The following SULF2 variants were observed in gnomAD, a reference collection of about 807,000 sequenced individuals.
The protein encoded by SULF2 is extracellular sulfatase Sulf-2.
Under a neutral mutation model 107.7 loss-of-function variants are expected in SULF2, and 52 were observed. That is an observed-to-expected ratio of 0.48 (90% confidence interval 0.39 to 0.61). SULF2 has a LOEUF of 0.61. SULF2 is among the 20% of genes least tolerant of loss of function. SULF2 has a pLI of 0.00. For synonymous variants in SULF2, 460 were observed against 464.3 expected, an observed-to-expected ratio of 0.99 and a Z score of 0.12; for missense variants, 993 against 1,177.3, an observed-to-expected ratio of 0.84 and a Z score of 2.29.
chr20:47,722,669 C>T lies in SULF2; in HGVS notation c.415+14034G>A, dbSNP rs77966824. ...TTCACTCGCCAGGTGCAGTGGCTCA[C>T]GCCTGTAATCCCAGCACTTTGGGAG... On this transcript the variant is annotated intron_variant, in intron 3 of 20. Transcript: ENST00000688720. Among the ~76,000 whole-genome samples, 44 of 152,154 alleles carry T rather than the reference C, an allele frequency of 2.9e-4. No individual in the cohort carries two copies. In the South Asian group the frequency reaches 7.7e-3, roughly 27 times the overall value.
At chr20:47,693,938 G>A (rs1209426289) in intron 4 of SULF2, among the ~76,000 whole-genome samples, 1 of 152,186 alleles carries the variant, frequency 6.6e-6, no homozygotes. Context: ...CCAGCTCTCT[G>A]CCACCATTCA....
chr20:47,727,861 G>T (rs938387794), intron 3 of SULF2, among the ~76,000 whole-genome samples: 11 of 152,238 alleles, frequency 7.2e-5, no homozygotes, highest in Non-Finnish European at 1.3e-4. Context: ...CTCAAAACAA[G>T]TGCTTCACTT....
chr20:47,670,249 G>C (rs1422567521), intron 11 of SULF2, among the ~76,000 whole-genome samples: 4 of 152,140 alleles, frequency 2.6e-5, no homozygotes, highest in African/African-American at 7.2e-5. Context: ...CTGGAGTGAA[G>C]TGGCATGATC....
intron 1 of SULF2, among the ~76,000 whole-genome samples, chr20:47,764,962 G>T (rs759327635): frequency 6.6e-6 from 1 of 152,148 alleles, no homozygotes; most frequent in African/African-American, 2.4e-5. Context: ...GCACGGACAG[G>T]TTCCAGAACC....
chr20:47,752,898 C>T (rs991202929), intron 2 of SULF2, among the ~76,000 whole-genome samples: 5 of 152,008 alleles, frequency 3.3e-5, no homozygotes, highest in Non-Finnish European at 5.9e-5. Context: ...GTCAGGAGTT[C>T]GAGGCCAACC....
intron 3 of SULF2, among the ~76,000 whole-genome samples, chr20:47,730,236 T>TG (rs1392121643): frequency 1.3e-5 from 2 of 152,156 alleles, no homozygotes; most frequent in African/African-American, 4.8e-5. Flanking sequence ...ATGTACCCCC[T>TG]GCTCCCCTGA....
intron 4 of SULF2, among the ~76,000 whole-genome samples, chr20:47,697,989 C>G (rs2088441287): frequency 6.6e-6 from 1 of 152,244 alleles, no homozygotes; most frequent in African/African-American, 2.4e-5. Flanking sequence ...CCATGCCGGA[C>G]TGCCTCATCA....
chr20:47,683,217 G>A (rs770511234), intron 6 of SULF2, 48 bp from the exon 7 acceptor site: 1 of 1,518,176 alleles, frequency 6.6e-7, no homozygotes, highest in Non-Finnish European at 8.9e-7. Flanking sequence ...TGGGTGCCTG[G>A]CCCGTCTCCG....
rs780068288 is a variant in SULF2 at position 47,690,146 on chromosome 20, G to C, written c.717C>G (p.Phe239Leu). Residue 239 changes from phenylalanine to leucine, a missense_variant, in exon 5 of 21, where the codon TTC becomes TTG. Around this residue, in one of 3 missense-constraint regions of SULF2, gnomAD observed 388 missense variants for 449.2 expected, o/e 0.86. Transcript: ENST00000688720. ...CTTACATGTGCTGAGATGCGTTTGGGAAGAGGCGTGAATATTGTGGGGCTG... is the reference window on the plus strand; with the variant it reads ...CTTACATGTGCTGAGATGCGTTTGGCAAGAGGCGTGAATATTGTGGGGCTG... ...EDSAPQYSRL[F>L]PNASQHITPS... 4.0e-5 allele frequency: 61 copies of C among 1,512,270 alleles called. No individual in the cohort carries two copies. The highest frequency in any genetic ancestry group is 4.9e-5 in the Non-Finnish European group (55 of 1,124,098). 93.7% of individuals were successfully genotyped at this position (1,512,270 alleles called of 1,614,324 possible).
chr20:47,679,052 C>T (rs1342444414), intron 7 of SULF2, among the ~76,000 whole-genome samples: 1 of 148,692 alleles, frequency 6.7e-6, no homozygotes, highest in Non-Finnish European at 1.5e-5. Flanking sequence ...GACAGCCTCA[C>T]CCTGTCCCCC....
intron 1 of SULF2, among the ~76,000 whole-genome samples, chr20:47,771,811 T>C (rs2090635966): frequency 6.6e-6 from 1 of 152,190 alleles, no homozygotes; most frequent in East Asian, 1.9e-4. Flanking sequence ...CATGCCTGGC[T>C]GGGCAGGAGA....
intron 3 of SULF2, among the ~76,000 whole-genome samples, chr20:47,711,091 G>A (rs2088911808): frequency 6.6e-6 from 1 of 152,220 alleles, no homozygotes; most frequent in South Asian, 2.1e-4. Flanking sequence ...CGGACAATGG[G>A]GGAGACAGAG....
intron 3 of SULF2, among the ~76,000 whole-genome samples, chr20:47,715,247 T>C (rs1179670134): frequency 6.6e-6 from 1 of 152,044 alleles, no homozygotes; most frequent in Non-Finnish European, 1.5e-5. Flanking sequence ...GTTAACTTAC[T>C]GGGGCTCAAT....
chr20:47,757,522 T>C, intron 1 of SULF2, 59 bp from the exon 2 acceptor site: 1 of 819,258 alleles, frequency 1.2e-6, no homozygotes, highest in South Asian at 2.0e-5. Flanking sequence ...CTGCTCATTC[T>C]TGCATAATGA....
chr20:47,673,447 G>A (rs1433292429), intron 10 of SULF2, among the ~76,000 whole-genome samples: 1 of 152,162 alleles, frequency 6.6e-6, no homozygotes, highest in East Asian at 1.9e-4. Context: ...ACAACTGGGA[G>A]GTGCAAGAGC....
chr20:47,663,002 G>T (rs137918940), intron 17 of SULF2, 68 bp downstream of exon 17: 1 of 1,519,238 alleles, frequency 6.6e-7, no homozygotes, highest in Non-Finnish European at 9.0e-7. Context: ...CCCTGAGGTT[G>T]GGGGGGGCCT....
Position 47,694,694 on chromosome 20 carries a change from C to T in SULF2, c.568-4399G>A, listed in dbSNP as rs188776910. Among the ~76,000 whole-genome samples the T allele has an allele frequency of 8.3e-4, 126 of 152,316 alleles. 1 individual carries two copies. Among genetic ancestry groups the T allele is most frequent in the Non-Finnish European group, 2.9e-4 (20 of 68,032 alleles). On this transcript the variant is annotated intron_variant, in intron 4 of 20. Coordinates refer to ENST00000688720, the MANE Select transcript of SULF2 (RefSeq NM_001387048.1). The surrounding 1 kb of genome is among the most constrained non-coding windows in gnomAD (Gnocchi z 4.4). ...TCACCGACTGAGTAGCTAGTGTCTG[C>T]GGAGACTGCCAGCCTCAGCCCTAGG...
chr20:47,665,843 C>T lies in SULF2; in HGVS notation c.1902+14G>A, dbSNP rs140109308. 2,852 of 1,608,946 alleles carry T rather than the reference C, an allele frequency of 1.8e-3. 51 individuals are homozygous for T. The African/African-American group carries it at 0.032, about 18-fold the overall frequency. On this transcript the variant is annotated intron_variant, in intron 13 of 20. Transcript: ENST00000688720. Reference sequence around the variant, plus strand: ...GGTGGCCGAGAGCATGCTCCTCTCCCGCTCTCCACTCACCTCGTGGTCGAT... The same window carrying T: ...GGTGGCCGAGAGCATGCTCCTCTCCTGCTCTCCACTCACCTCGTGGTCGAT...
At chr20:47,731,962 G>C (rs1353647892) in intron 3 of SULF2, among the ~76,000 whole-genome samples, 1 of 152,246 alleles carries the variant, frequency 6.6e-6, no homozygotes, top group Non-Finnish European at 1.5e-5. Context: ...ATCCATGAGT[G>C]CAACTTACCA....
Sources: allele counts gnomAD v4.1 joint callset (sites outside exome capture counted in the v4.1 genomes callset), GRCh38; gene constraint gnomAD v4.1.1; regional missense constraint gnomAD v4.1.1; non-coding constraint Gnocchi (gnomAD v3.1); transcripts MANE v1.5; gene names NCBI Gene and HGNC (gene_info 2026-07-23, HGNC 2026-07-21).